Variants in LRRC46 observed in about 807,000 individuals in gnomAD.
LRRC46 encodes leucine-rich repeat-containing protein 46.
Under a neutral mutation model 28.0 loss-of-function variants are expected in LRRC46, and 20 were observed. That is an observed-to-expected ratio of 0.71 (90% CI 0.50 to 1.04). The LOEUF is 1.04. Among genes scored for constraint, LRRC46 ranks in the 50% least tolerant of loss-of-function variants. LRRC46 has a pLI of 0.00. For synonymous variants in LRRC46, 156 were observed against 158.8 expected, an observed-to-expected ratio of 0.98 and a Z score of 0.13; for missense variants, 315 against 390.1, an observed-to-expected ratio of 0.81 and a Z score of 1.62.
Position 47,836,634 on chromosome 17 carries a change from A to G in LRRC46, c.596-116A>G, listed in dbSNP as rs376083521. On this transcript the variant is annotated intron_variant, in intron 7 of 7. Transcript: ENST00000269025. This position sits in a 1 kb window ranked among gnomAD's most constrained non-coding sequence, Gnocchi z 5.8. ...GGTGTCAGTCCTGGGCCCCAGCCTC[A>G]GGCTCCTTCCCACAAGGGACAAGGG... 11 of 1,499,474 alleles carry G rather than the reference A, an allele frequency of 7.3e-6. No homozygotes were observed. Among genetic ancestry groups the G allele is most frequent in the African/African-American group, 4.2e-5 (3 of 71,028 alleles). The allele number at this position is 1,499,474 out of a possible 1,614,324, so 92.9% of individuals were successfully genotyped here. A position where few individuals can be genotyped will look rare whatever the true frequency, so the allele number is the denominator to read the frequency against.
In LRRC46 at chr17:47,836,438, G is replaced by T; in HGVS notation, c.558G>T (p.Glu186Asp). 2 of 1,614,162 alleles carry T rather than the reference G, an allele frequency of 1.2e-6. No homozygotes were observed. The highest frequency in any genetic ancestry group is 1.7e-6 in the Non-Finnish European group (2 of 1,180,012). The change falls in exon 7 of 8, where the codon GAG (glutamate) becomes GAT (aspartate). Residue 186 changes from glutamate (E) to aspartate (D), a missense_variant. Coordinates refer to ENST00000269025, the MANE Select transcript of LRRC46 (RefSeq NM_033413.4). This position sits in a 1 kb window ranked among gnomAD's most constrained non-coding sequence, Gnocchi z 5.8. ...AGGATGAAGCCTCAAGCGATGAGGA[G>T]TTCCCAGAGCTGAGTGGCCCATTCT... ...DEEDEASSDE[E>D]FPELSGPFCS...
chr17:47,832,403 A>G (rs1474532516), intron 2 of LRRC46, among the ~76,000 whole-genome samples, 198 bp downstream of exon 2: 1 of 152,168 alleles, frequency 6.6e-6, no homozygotes, highest in Non-Finnish European at 1.5e-5. Flanking sequence ...CAACTGTCTT[A>G]GATAAGGCCG....
intron 2 of LRRC46, chr17:47,834,162 G>A (rs1235365881): frequency 9.1e-7 from 1 of 1,095,640 alleles, no homozygotes; most frequent in East Asian, 5.1e-5. Context: ...ACCATAAGCT[G>A]CCATCCCCCA....
At position 47,836,642 on chromosome 17, in the gene LRRC46, T is replaced by C; in HGVS notation, c.596-108T>C. The C allele has an allele frequency of 6.6e-7, 1 of 1,513,978 alleles. No homozygotes were observed. The highest frequency in any genetic ancestry group is 1.4e-5 in the African/African-American group (1 of 71,216). 93.8% of individuals were successfully genotyped at this position (1,513,978 alleles called of 1,614,324 possible). A position where few individuals can be genotyped will look rare whatever the true frequency, so the allele number is the denominator to read the frequency against. ...TCCTGGGCCCCAGCCTCAGGCTCCT[T>C]CCCACAAGGGACAAGGGGCCAGCCA... On this transcript the variant is annotated intron_variant, in intron 7 of 7. Transcript: ENST00000269025. The surrounding 1 kb of genome is among the most constrained non-coding windows in gnomAD (Gnocchi z 5.8).
intron 2 of LRRC46, among the ~76,000 whole-genome samples, 192 bp from the exon 3 acceptor site, chr17:47,834,233 G>A (rs1187513293): frequency 1.3e-5 from 2 of 152,004 alleles, no homozygotes; most frequent in Non-Finnish European, 2.9e-5. Context: ...ATAGAGATAC[G>A]AGTCTGCAAG....
At chr17:47,834,366 CCTG>C (rs1017252049) in intron 2 of LRRC46, 56 bp from the exon 3 acceptor site, 44 of 1,252,512 alleles carry the variant, frequency 3.5e-5, no homozygotes, top group Non-Finnish European at 5.0e-5. Flanking sequence ...TCCCATCCTC[CCTG>C]CTAAGAGACC....
chr17:47,835,118 G>T, intron 3 of LRRC46: 2 of 548,408 alleles, frequency 3.6e-6, no homozygotes, highest in Middle Eastern at 4.0e-4. Context: ...GGAATCAGAA[G>T]AGTATACGTA....
Position 47,836,040 on chromosome 17 carries a change from C to G in LRRC46, c.390C>G (p.Phe130Leu). The G allele has an allele frequency of 1.2e-6, 2 of 1,614,100 alleles. No individual in the cohort carries two copies. The highest frequency in any genetic ancestry group is 1.7e-6 in the Non-Finnish European group (2 of 1,179,972). Reference protein sequence around the residue: ...NLIETLKLDEFPQSLLILNLS... With the variant: ...NLIETLKLDELPQSLLILNLS... Reference sequence around the variant, plus strand: ...TCTCTTTGCTGTGTGCAGATGAGTTCCCCCAGAGCCTTCTCATCCTCAACC... The same window carrying G: ...TCTCTTTGCTGTGTGCAGATGAGTTGCCCCAGAGCCTTCTCATCCTCAACC... The change falls in exon 6 of 8, where the codon TTC becomes TTG. Residue 130 changes from phenylalanine to leucine, a missense_variant. Physicochemically the swap from Phe to Leu is conservative, Grantham distance 22. Transcript: ENST00000269025. This position sits in a 1 kb window ranked among gnomAD's most constrained non-coding sequence, Gnocchi z 5.8.
rs945305645 is a variant in LRRC46, at chr17:47,834,548, C to T, written c.225+15C>T. ...ATCTGCAAGGGGTAACTTCTTTCTC[C>T]ACCCTTCCCCTCCCCTTGACCCCTG... On this transcript the variant is annotated intron_variant, in intron 3 of 7. Coordinates refer to ENST00000269025, the MANE Select transcript of LRRC46 (RefSeq NM_033413.4). The T allele has an allele frequency of 5.8e-6, 9 of 1,546,220 alleles. No individual in the cohort carries two copies. The highest frequency in any genetic ancestry group is 1.7e-5 in the Admixed American group (1 of 59,682).
chr17:47,836,862 G>T lies in LRRC46; in HGVS notation c.708G>T (p.Leu236=). 2 of 1,613,878 alleles carry T rather than the reference G, an allele frequency of 1.2e-6. No homozygotes were observed. The highest frequency in any genetic ancestry group is 1.7e-6 in the Non-Finnish European group (2 of 1,179,984). ...AGATGCAGCCCACCCTCACCGACCT[G>T]CCCCTGCTACCTGGGGTGCCCATGG... is the stretch of plus-strand genomic sequence containing the variant. The part of the protein sequence containing the change: ...RMEMQPTLTD[L]PLLPGVPMAG... Residue 236 remains leucine, a synonymous_variant, in exon 8 of 8, where the codon CTG becomes CTT. Coordinates refer to ENST00000269025, the MANE Select transcript of LRRC46 (RefSeq NM_033413.4). This position sits in a 1 kb window ranked among gnomAD's most constrained non-coding sequence, Gnocchi z 5.8.
chr17:47,831,914 G>A lies in LRRC46; in HGVS notation c.-76G>A. On this transcript the variant is annotated 5_prime_UTR_variant, in exon 1 of 8. Coordinates refer to ENST00000269025, the MANE Select transcript of LRRC46 (RefSeq NM_033413.4). ...CTCTCCTCCTGCCATCCTGAGTTCT[G>A]CCATCCTTAGGGGCCGCCAAGACCT... 3 of 1,597,560 alleles carry A rather than the reference G, an allele frequency of 1.9e-6. No individual in the cohort carries two copies. Among genetic ancestry groups the A allele is most frequent in the Non-Finnish European group, 2.6e-6 (3 of 1,167,694 alleles).
intron 1 of LRRC46, 39 bp from the exon 2 acceptor site, chr17:47,832,061 G>C (rs1567952495): frequency 3.1e-6 from 5 of 1,613,806 alleles, no homozygotes; most frequent in Non-Finnish European, 4.2e-6. Flanking sequence ...AGGCCTCCAA[G>C]AGTGAGGAAG....
chr17:47,832,230 G>A (rs767291736), intron 2 of LRRC46, 25 bp downstream of exon 2: 4 of 1,518,120 alleles, frequency 2.6e-6, no homozygotes, highest in South Asian at 1.3e-5. Context: ...GAGAAAAGGG[G>A]TGCTAGAAGG....
Position 47,836,186 on chromosome 17 carries a change from G to T in LRRC46, c.452+84G>T. ...CAGACCCCTCTCAGCCTGCAAACCT[G>T]GGGTCCTGTCCATGACACCTTCTCC... is the stretch of plus-strand genomic sequence containing the variant. On this transcript the variant is annotated intron_variant, in intron 6 of 7. Coordinates refer to ENST00000269025, the MANE Select transcript of LRRC46 (RefSeq NM_033413.4). The surrounding 1 kb of genome is among the most constrained non-coding windows in gnomAD (Gnocchi z 5.8). 2 of 1,582,350 alleles carry T rather than the reference G, an allele frequency of 1.3e-6. No individual in the cohort carries two copies. Among genetic ancestry groups the T allele is most frequent in the Non-Finnish European group, 1.7e-6 (2 of 1,152,240 alleles).
intron 2 of LRRC46, chr17:47,833,881 G>A: frequency 1.0e-6 from 1 of 971,408 alleles, no homozygotes; most frequent in Non-Finnish European, 1.2e-6. Flanking sequence ...CTCCCAAAGT[G>A]CTGGGAGTAC....
chr17:47,836,761 G>T lies in LRRC46; in HGVS notation c.607G>T (p.Glu203Ter), dbSNP rs1290074149. ...PFCSERGFLK[E>*]LEQELSRHRE... ...CCGGCCCCTCCCAGGCTTCCTCAAG[G>T]AGCTGGAGCAGGAGCTGAGCAGGCA... The change falls in exon 8 of 8, where the codon GAG becomes TAG. Residue 203 changes from glutamate (E) to a stop codon, truncating the protein, a stop_gained. Transcript: ENST00000269025. LOFTEE classifies it low-confidence loss of function (END_TRUNC). The surrounding 1 kb of genome is among the most constrained non-coding windows in gnomAD (Gnocchi z 5.8). 1.3e-6 allele frequency: 2 copies of T among 1,597,242 alleles called. No individual in the cohort carries two copies. The highest frequency in any genetic ancestry group is 1.7e-6 in the Non-Finnish European group (2 of 1,178,642).
intron 5 of LRRC46, 103 bp downstream of exon 5, chr17:47,835,878 G>A (rs2033688469): frequency 7.6e-7 from 1 of 1,320,674 alleles, no homozygotes; most frequent in Non-Finnish European, 1.1e-6. Context: ...GCCCCTGCAG[G>A]TCCACATTTC....
rs1036369794 is a variant in LRRC46, at chr17:47,837,229, G to A, written c.*109G>A. On this transcript the variant is annotated 3_prime_UTR_variant, in exon 8 of 8. Coordinates refer to ENST00000269025, the MANE Select transcript of LRRC46 (RefSeq NM_033413.4). ...CCCCAGTAAAGTGTCTCTAGGCCCT[G>A]AGTATGCTTTTCATGTCACTTGGGG... The A allele has an allele frequency of 6.9e-7, 1 of 1,439,506 alleles. No individual in the cohort carries two copies. Among genetic ancestry groups the A allele is most frequent in the Non-Finnish European group, 9.3e-7 (1 of 1,071,672 alleles). The allele number at this position is 1,439,506 out of a possible 1,614,324, so 89.2% of individuals were successfully genotyped here.
chr17:47,837,591 A>C lies in LRRC46; in HGVS notation c.*471A>C. 2.0e-6 allele frequency: 1 copy of C among 510,810 alleles called. No homozygotes were observed. The highest frequency in any genetic ancestry group is 3.4e-6 in the Non-Finnish European group (1 of 294,354). 31.6% of individuals were successfully genotyped at this position (510,810 alleles called of 1,614,324 possible). On this transcript the variant is annotated 3_prime_UTR_variant, in exon 8 of 8. Transcript: ENST00000269025. ...CCCCATCACTCACCCACTCATAGGA[A>C]TGAGTACACAACCACAGGCCCCGCA...
Sources: allele counts gnomAD v4.1 joint callset (sites outside exome capture counted in the v4.1 genomes callset), GRCh38; gene constraint gnomAD v4.1.1; non-coding constraint Gnocchi (gnomAD v3.1); transcripts MANE v1.5; gene names NCBI Gene and HGNC (gene_info 2026-07-23, HGNC 2026-07-21).